DOCK2: variants seen among roughly 807,000 people sequenced by gnomAD.
DOCK2 encodes dedicator of cytokinesis protein 2.
DOCK2 carries 87 observed loss-of-function variants against 248.9 expected under a neutral mutation model. That is an observed-to-expected ratio of 0.35 (90% CI 0.29 to 0.42). The LOEUF is 0.42. Ranked by LOEUF, DOCK2 falls within the 10% of genes least tolerant of loss-of-function variation. The pLI, the probability that DOCK2 is intolerant of heterozygous loss-of-function variation, is 1.00. For missense variants in DOCK2, 1,747 were observed against 2,300.2 expected, an observed-to-expected ratio of 0.76 and a Z score of 4.92; for synonymous variants, 805 against 821.6, an observed-to-expected ratio of 0.98 and a Z score of 0.35.
chr5:169,711,832 T>A, intron 15 of DOCK2, 103 bp from the exon 16 acceptor site: 2 of 1,207,688 alleles, frequency 1.7e-6, no homozygotes, highest in Non-Finnish European at 2.4e-6. Flanking sequence ...AGCAGGCAGC[T>A]CTCTCAGTTA....
chr5:169,744,348 C>T (rs898192273), intron 22 of DOCK2, among the ~76,000 whole-genome samples: 1 of 152,194 alleles, frequency 6.6e-6, no homozygotes, highest in South Asian at 2.1e-4. Context: ...AGTTCAGTCA[C>T]ATAATATTTA....
chr5:169,861,843 G>A (rs1014357398), intron 27 of DOCK2, among the ~76,000 whole-genome samples: 2 of 152,064 alleles, frequency 1.3e-5, no homozygotes, highest in African/African-American at 2.4e-5. Context: ...CAAGCAATGC[G>A]GTGTTGTGCT....
intron 30 of DOCK2, among the ~76,000 whole-genome samples, chr5:169,998,370 T>G (rs1264898715): frequency 2.0e-5 from 3 of 152,182 alleles, no homozygotes; most frequent in African/African-American, 7.2e-5. Context: ...TATGAGTAGA[T>G]GAGTATTTGC....
chr5:169,898,203 G>T (rs1773717839), intron 27 of DOCK2, among the ~76,000 whole-genome samples: 1 of 152,248 alleles, frequency 6.6e-6, no homozygotes, highest in South Asian at 2.1e-4. Context: ...TGTCCCTGGG[G>T]CTCCCACAGC....
intron 27 of DOCK2, among the ~76,000 whole-genome samples, chr5:169,846,221 A>T (rs1770293031): frequency 6.6e-6 from 1 of 152,168 alleles, no homozygotes; most frequent in South Asian, 2.1e-4. Context: ...TGCAACTCTC[A>T]TTCTTATACG....
intron 27 of DOCK2, among the ~76,000 whole-genome samples, chr5:169,869,775 T>C (rs1046737571): frequency 2.0e-5 from 3 of 152,214 alleles, no homozygotes; most frequent in African/African-American, 2.4e-5. Context: ...GCTTTGGGTT[T>C]CAGCCCAAGG....
At chr5:170,064,904 T>C (rs1006405981) in intron 44 of DOCK2, among the ~76,000 whole-genome samples, 1 of 152,102 alleles carries the variant, frequency 6.6e-6, no homozygotes, top group African/African-American at 2.4e-5. Flanking sequence ...TGCTAGTTAG[T>C]AACGTGAAAA....
At chr5:169,907,476 A>G (rs1774348477) in intron 27 of DOCK2, among the ~76,000 whole-genome samples, 1 of 152,202 alleles carries the variant, frequency 6.6e-6, no homozygotes, top group Non-Finnish European at 1.5e-5. Flanking sequence ...TTTGCTTGGA[A>G]CATTTTAGAA....
intron 2 of DOCK2, among the ~76,000 whole-genome samples, chr5:169,658,244 G>C (rs1272423937): frequency 6.6e-6 from 1 of 151,880 alleles, no homozygotes; most frequent in Non-Finnish European, 1.5e-5. Context: ...ACTTTGGGAG[G>C]CAGAGGCGGG....
At chr5:169,888,190 T>C (rs1314477093) in intron 27 of DOCK2, among the ~76,000 whole-genome samples, 1 of 152,234 alleles carries the variant, frequency 6.6e-6, no homozygotes, top group African/African-American at 2.4e-5. Context: ...ATGTCCACCA[T>C]GACCCTTGCA....
chr5:169,681,198 G>A (rs576646830), intron 6 of DOCK2, among the ~76,000 whole-genome samples: 4 of 136,788 alleles, frequency 2.9e-5, no homozygotes, highest in African/African-American at 8.2e-5. Context: ...ATCTCGGCTC[G>A]CTGCAACTTC....
chr5:170,060,444 A>G (rs1470497360), intron 44 of DOCK2, among the ~76,000 whole-genome samples: 1 of 152,112 alleles, frequency 6.6e-6, no homozygotes. Context: ...CCCCTCCTCC[A>G]TCTCTGTTGA....
intron 32 of DOCK2, among the ~76,000 whole-genome samples, chr5:170,015,965 TCTC>T: frequency 6.6e-6 from 1 of 151,874 alleles, no homozygotes; most frequent in Middle Eastern, 3.4e-3. Flanking sequence ...TTCAAGGTCA[TCTC>T]CTCAGTGCCC....
intron 46 of DOCK2, among the ~76,000 whole-genome samples, chr5:170,074,197 ATTAG>A (rs1453738649): frequency 6.6e-6 from 1 of 152,060 alleles, no homozygotes; most frequent in Admixed American, 6.5e-5. Flanking sequence ...GTTCCTATAT[ATTAG>A]TTAAATTTTT....
chr5:169,906,058 T>G (rs1298793899), intron 27 of DOCK2, among the ~76,000 whole-genome samples: 1 of 152,220 alleles, frequency 6.6e-6, no homozygotes, highest in East Asian at 1.9e-4. Flanking sequence ...GGGGTACTAA[T>G]TATAAATGAA....
chr5:169,800,940 C>CTTTT (rs1411340779), intron 25 of DOCK2, among the ~76,000 whole-genome samples: 5 of 63,448 alleles, frequency 7.9e-5, no homozygotes, highest in African/African-American at 5.5e-4. Context: ...TCTTTTCTTT[C>CTTTT]TTTCTTTTTT....
intron 44 of DOCK2, among the ~76,000 whole-genome samples, chr5:170,067,187 T>C (rs1424800451): frequency 6.6e-6 from 1 of 152,094 alleles, no homozygotes; most frequent in African/African-American, 2.4e-5. Context: ...GCCCAACCAA[T>C]ACTGAAAGGG....
At chr5:169,739,626 G>A (rs1272795243) in intron 22 of DOCK2, among the ~76,000 whole-genome samples, 4 of 152,076 alleles carry the variant, frequency 2.6e-5, no homozygotes, top group African/African-American at 9.7e-5. Flanking sequence ...TATTAGCTTT[G>A]CACGTGTGTC....
chr5:169,814,805 A>G (rs2113203657), intron 26 of DOCK2, among the ~76,000 whole-genome samples: 1 of 152,326 alleles, frequency 6.6e-6, no homozygotes, highest in African/African-American at 2.4e-5. Context: ...AAGGGAAATT[A>G]CACATAGAAA....
Sources: allele counts gnomAD v4.1 joint callset (sites outside exome capture counted in the v4.1 genomes callset), GRCh38; gene constraint gnomAD v4.1.1; transcripts MANE v1.5; gene names NCBI Gene and HGNC (gene_info 2026-07-23, HGNC 2026-07-21).